Variants in KIF13A observed in about 807,000 individuals in gnomAD.
KIF13A encodes kinesin family member 13A, also known as kinesin-like protein KIF13A.
KIF13A carries 79 observed loss-of-function variants against 212.2 expected under a neutral mutation model. That is an observed-to-expected ratio of 0.37 (90% CI 0.31 to 0.45). KIF13A has a LOEUF of 0.45. Among genes scored for constraint, KIF13A ranks in the 20% least tolerant of loss-of-function variants. KIF13A has a pLI of 1.00. For missense variants in KIF13A, 1,901 were observed against 2,209.0 expected, an observed-to-expected ratio of 0.86 and a Z score of 2.79; for synonymous variants, 789 against 808.6, an observed-to-expected ratio of 0.98 and a Z score of 0.41.
intron 18 of KIF13A, among the ~76,000 whole-genome samples, chr6:17,805,922 A>ATTTTTTTTT (rs58290591): frequency 1.4e-5 from 2 of 139,328 alleles, no homozygotes; most frequent in Non-Finnish European, 3.0e-5. Flanking sequence ...CATAAGCACG[A>ATTTTTTTTT]TTTTTTTTTT....
chr6:17,765,858 T>C (rs1468626860), intron 38 of KIF13A, among the ~76,000 whole-genome samples: 1 of 152,214 alleles, frequency 6.6e-6, no homozygotes, highest in Non-Finnish European at 1.5e-5. Context: ...ATCGCAAATA[T>C]TCCTTTTAAA....
chr6:17,860,035 G>C (rs1244855277), intron 4 of KIF13A, among the ~76,000 whole-genome samples: 1 of 152,090 alleles, frequency 6.6e-6, no homozygotes, highest in African/African-American at 2.4e-5. Flanking sequence ...GTGAATGGCA[G>C]GGTTTGGGTC....
At position 17,783,057 on chromosome 6, in the gene KIF13A, T is replaced by C. The variant is rs934600029; in HGVS notation, c.3544+589A>G. ...AGAACAGAGGTTTTCAGGCTGTGTT[T>C]TGAGGAGCCCTAGGGCCCTGCCAAA... On this transcript the variant is annotated intron_variant, in intron 29 of 38. Transcript: ENST00000259711. The surrounding 1 kb of genome is among the most constrained non-coding windows in gnomAD (Gnocchi z 4.3). Among the ~76,000 whole-genome samples, 2 of 152,342 alleles carry C rather than the reference T, an allele frequency of 1.3e-5. No homozygotes were observed. Among genetic ancestry groups the C allele is most frequent in the East Asian group, 1.9e-4 (1 of 5,186 alleles).
chr6:17,975,282 G>A (rs73373195), intron 2 of KIF13A, among the ~76,000 whole-genome samples: 18 of 152,292 alleles, frequency 1.2e-4, no homozygotes, highest in African/African-American at 3.6e-4. Flanking sequence ...GAATCTGGGA[G>A]GTGAAGGTTG....
chr6:17,976,034 G>C (rs541601380), intron 2 of KIF13A, among the ~76,000 whole-genome samples: 1 of 152,340 alleles, frequency 6.6e-6, no homozygotes, highest in South Asian at 2.1e-4. Flanking sequence ...CAAACCTTGA[G>C]CTAGATACAG....
At chr6:17,901,624 C>G (rs995812211) in intron 2 of KIF13A, among the ~76,000 whole-genome samples, 1 of 152,152 alleles carries the variant, frequency 6.6e-6, no homozygotes, top group Admixed American at 6.5e-5. Flanking sequence ...CTGAGTTCAC[C>G]CTACAAAAGC....
At chr6:17,962,938 T>C (rs1778966074) in intron 2 of KIF13A, among the ~76,000 whole-genome samples, 2 of 152,180 alleles carry the variant, frequency 1.3e-5, no homozygotes, top group Admixed American at 1.3e-4. Flanking sequence ...CTCAGATGCA[T>C]CTGATTCAGC....
At chr6:17,792,632 G>A (rs1211378873) in intron 25 of KIF13A, among the ~76,000 whole-genome samples, 5 of 152,160 alleles carry the variant, frequency 3.3e-5, no homozygotes, top group Non-Finnish European at 7.3e-5. Flanking sequence ...ACAAGGAAAA[G>A]TCTGGTGGAG....
intron 4 of KIF13A, among the ~76,000 whole-genome samples, chr6:17,859,638 ATTTT>A (rs1176958380): frequency 0.015 from 1,707 of 111,828 alleles, 52 homozygotes; most frequent in African/African-American, 0.056. Flanking sequence ...ATATATATAT[ATTTT>A]TTTTTTTTTT....
chr6:17,773,442 C>T lies in KIF13A; in HGVS notation c.4324+36G>A, dbSNP rs780989870. The T allele has an allele frequency of 4.1e-6, 5 of 1,230,676 alleles. No individual in the cohort carries two copies. Among genetic ancestry groups the T allele is most frequent in the Middle Eastern group, 1.9e-4 (1 of 5,306 alleles). The allele number at this position is 1,230,676 out of a possible 1,614,324, so 76.2% of individuals were successfully genotyped here. A position where few individuals can be genotyped will look rare whatever the true frequency, so the allele number is the denominator to read the frequency against. On this transcript the variant is annotated intron_variant, in intron 36 of 38. Transcript: ENST00000259711. This position sits in a 1 kb window ranked among gnomAD's most constrained non-coding sequence, Gnocchi z 4.2. ...TTTTCATACTTTTTCTAAGTAATTA[C>T]AAAGAAATATCACTGCAAAATAATC...
At chr6:17,861,158 AAAAC>A (rs749605326) in intron 4 of KIF13A, among the ~76,000 whole-genome samples, 2 of 152,218 alleles carry the variant, frequency 1.3e-5, no homozygotes, top group Non-Finnish European at 2.9e-5. Flanking sequence ...AAATCTGAGA[AAAAC>A]AACATAAAAA....
chr6:17,771,438 G>C lies in KIF13A; in HGVS notation c.4477-220C>G. Reference sequence around the variant, plus strand: ...CATAATTAGTCTTATTTAAAAAACAGCCTTTTGACCAGGTACAACGGCTCA... The same window carrying C: ...CATAATTAGTCTTATTTAAAAAACACCCTTTTGACCAGGTACAACGGCTCA... On this transcript the variant is annotated intron_variant, in intron 37 of 38. Coordinates refer to ENST00000259711, the MANE Select transcript of KIF13A (RefSeq NM_022113.6). This position sits in a 1 kb window ranked among gnomAD's most constrained non-coding sequence, Gnocchi z 5.4. 1 of 531,702 alleles carries C rather than the reference G, an allele frequency of 1.9e-6. No homozygotes were observed. The allele number at this position is 531,702 out of a possible 1,614,324, so 32.9% of individuals were successfully genotyped here.
intron 19 of KIF13A, among the ~76,000 whole-genome samples, 176 bp downstream of exon 19, chr6:17,805,299 T>C (rs1581360372): frequency 6.6e-6 from 1 of 152,200 alleles, no homozygotes; most frequent in Non-Finnish European, 1.5e-5. Context: ...TGATCCAACT[T>C]AGCGCTTCTT....
rs1010571276 is a variant in KIF13A at position 17,771,288 on chromosome 6, A to C, written c.4477-70T>G. The C allele has an allele frequency of 1.0e-6, 1 of 965,188 alleles. No individual in the cohort carries two copies. The highest frequency in any genetic ancestry group is 1.6e-6 in the Non-Finnish European group (1 of 615,684). The allele number at this position is 965,188 out of a possible 1,614,324, so 59.8% of individuals were successfully genotyped here. A position where few individuals can be genotyped will look rare whatever the true frequency, so the allele number is the denominator to read the frequency against. ...AACGGCCAAAATACATATTAAGTAC[A>C]TGCAAGTTAGAAAAGCAATGCTAAC... On this transcript the variant is annotated intron_variant, in intron 37 of 38. Transcript: ENST00000259711. This position sits in a 1 kb window ranked among gnomAD's most constrained non-coding sequence, Gnocchi z 5.4.
rs1239672997 is a variant in KIF13A, at chr6:17,838,739, A to G, written c.831-1156T>C. Among the ~76,000 whole-genome samples, 1 of 152,234 alleles carries G rather than the reference A, an allele frequency of 6.6e-6. No individual in the cohort carries two copies. The highest frequency in any genetic ancestry group is 1.5e-5 in the Non-Finnish European group (1 of 68,038). On this transcript the variant is annotated intron_variant, in intron 9 of 38. Coordinates refer to ENST00000259711, the MANE Select transcript of KIF13A (RefSeq NM_022113.6). This position sits in a 1 kb window ranked among gnomAD's most constrained non-coding sequence, Gnocchi z 4.2. Reference sequence around the variant, plus strand: ...GAAGCTAAATAACGTGTACTCATGGACATAGAGACTGGAATGGACAATGGA... The same window carrying G: ...GAAGCTAAATAACGTGTACTCATGGGCATAGAGACTGGAATGGACAATGGA...
rs1160349246 is a variant in KIF13A, at chr6:17,811,461, GTTCT to G, written c.2001-2535_2001-2532del. ...ACGTTTCCTATTGTTGAATGAAACTGTTCTTTAATTTTCTATGACTTAATTTTTC... is the reference window on the plus strand; with the variant it reads ...ACGTTTCCTATTGTTGAATGAAACTGTTAATTTTCTATGACTTAATTTTTC... On this transcript the variant is annotated intron_variant, in intron 17 of 38. Transcript: ENST00000259711. The surrounding 1 kb of genome is among the most constrained non-coding windows in gnomAD (Gnocchi z 6.0). 6.6e-6 allele frequency among the ~76,000 whole-genome samples: 1 copy of G among 152,124 alleles called. No individual in the cohort carries two copies. The highest frequency in any genetic ancestry group is 1.5e-5 in the Non-Finnish European group (1 of 68,020).
Position 17,794,968 on chromosome 6 carries a change from C to G in KIF13A, c.2943-264G>C, listed in dbSNP as rs558504924. 2.0e-5 allele frequency: 7 copies of G among 357,290 alleles called. No homozygotes were observed. The highest frequency in any genetic ancestry group is 3.5e-5 in the Non-Finnish European group (7 of 198,606). 22.1% of individuals were successfully genotyped at this position (357,290 alleles called of 1,614,324 possible). A position where few individuals can be genotyped will look rare whatever the true frequency, so the allele number is the denominator to read the frequency against. ...GAAATGCACATATGAGTGTAACCTG[C>G]CCTATCACCTCAGAAAGTTTGCTCA... On this transcript the variant is annotated intron_variant, in intron 23 of 38. Coordinates refer to ENST00000259711, the MANE Select transcript of KIF13A (RefSeq NM_022113.6). This position sits in a 1 kb window ranked among gnomAD's most constrained non-coding sequence, Gnocchi z 4.1.
At chr6:17,910,849 G>A (rs568272225) in intron 2 of KIF13A, among the ~76,000 whole-genome samples, 20 of 152,216 alleles carry the variant, frequency 1.3e-4, no homozygotes, top group African/African-American at 4.3e-4. Flanking sequence ...TGCAAGCTCC[G>A]CCTCCTGGGT....
intron 2 of KIF13A, among the ~76,000 whole-genome samples, chr6:17,917,286 G>T (rs1159809929): frequency 7.3e-6 from 1 of 137,606 alleles, no homozygotes; most frequent in Non-Finnish European, 1.5e-5. Context: ...TGTTGCCCAG[G>T]CTGGAGTACA....
Sources: allele counts gnomAD v4.1 joint callset (sites outside exome capture counted in the v4.1 genomes callset), GRCh38; gene constraint gnomAD v4.1.1; non-coding constraint Gnocchi (gnomAD v3.1); transcripts MANE v1.5; gene names NCBI Gene and HGNC (gene_info 2026-07-23, HGNC 2026-07-21).